MREG: variants seen among roughly 807,000 people sequenced by gnomAD.
MREG encodes the protein melanoregulin.
MREG carries 31 observed loss-of-function variants against 28.5 expected under a neutral mutation model. The ratio of observed to expected loss-of-function variants is 1.09; its 90% CI spans 0.82 to 1.47. The LOEUF (loss-of-function observed/expected upper bound fraction) is 1.47. Among genes scored for constraint, MREG ranks in the 40% most tolerant of loss-of-function variants. The pLI, the probability that MREG is intolerant of heterozygous loss-of-function variation, is 0.00. For missense variants in MREG, 256 were observed against 257.4 expected, an observed-to-expected ratio of 0.99 and a Z score of 0.04; for synonymous variants, 106 against 95.2, an observed-to-expected ratio of 1.11 and a Z score of -0.66.
Position 216,008,127 on chromosome 2 carries a change from C to T in MREG, c.95+5106G>A, listed in dbSNP as rs375019762. On this transcript the variant is annotated intron_variant, in intron 1 of 4. Transcript: ENST00000263268. ...CTTCATAGGGCTATGGTGGGGATTT[C>T]ATTAACAGATATAGAAGAAATGGTT... is the stretch of plus-strand genomic sequence containing the variant. Among the ~76,000 whole-genome samples the T allele has an allele frequency of 4.6e-5, 7 of 151,980 alleles. No homozygotes were observed. In the East Asian group the frequency reaches 5.8e-4, roughly 13 times the overall value.
At chr2:216,001,044 G>C (rs935362571) in intron 1 of MREG, among the ~76,000 whole-genome samples, 1 of 151,288 alleles carries the variant, frequency 6.6e-6, no homozygotes, top group African/African-American at 2.4e-5. Flanking sequence ...CCTGTCTCTT[G>C]CTCTCTCTCA....
At chr2:215,941,306 G>A (rs1343929871), downstream of MREG, among the ~76,000 whole-genome samples, 1 of 152,212 alleles carries the variant, frequency 6.6e-6, no homozygotes, top group Non-Finnish European at 1.5e-5. Flanking sequence ...TATTCTGAAA[G>A]TAGTAGTCGA....
At position 215,973,971 on chromosome 2, in the gene MREG, G is replaced by A. The variant is rs1207498875; in HGVS notation, c.255+22335C>T. Among the ~76,000 whole-genome samples the A allele has an allele frequency of 5.9e-5, 9 of 152,166 alleles. No homozygotes were observed. The South Asian group carries it at 1.7e-3, about 28-fold the overall frequency. The stretch of plus-strand genomic sequence containing the variant: ...TGTTTTTTATGGAAGAAGAAACTAG[G>A]TTAATTTGCACTCGGGTCCATTGAA... On this transcript the variant is annotated intron_variant, in intron 2 of 4. Transcript: ENST00000263268.
intron 1 of MREG, among the ~76,000 whole-genome samples, chr2:215,999,914 C>T (rs768095247): frequency 6.6e-6 from 1 of 152,132 alleles, no homozygotes; most frequent in Non-Finnish European, 1.5e-5. Context: ...TTCATGGCAT[C>T]ACAGAAGCAG....
At chr2:216,009,522 T>A (rs913642943) in intron 1 of MREG, among the ~76,000 whole-genome samples, 4 of 152,092 alleles carry the variant, frequency 2.6e-5, no homozygotes, top group African/African-American at 9.7e-5. Context: ...CTGTATTAGA[T>A]CCTACATGGC....
At chr2:215,981,193 A>G (rs769796147) in intron 2 of MREG, among the ~76,000 whole-genome samples, 2 of 152,198 alleles carry the variant, frequency 1.3e-5, no homozygotes, top group Non-Finnish European at 2.9e-5. Flanking sequence ...ACTCAAGCAG[A>G]TATTTGTACA....
upstream of MREG, among the ~76,000 whole-genome samples, chr2:216,015,281 T>C (rs183434246): frequency 7.8e-4 from 119 of 152,176 alleles, no homozygotes; most frequent in South Asian, 6.6e-3. Flanking sequence ...GACTGTGACA[T>C]GTAAGAAAAA....
At chr2:215,952,251 C>T (rs1692511375) in intron 2 of MREG, among the ~76,000 whole-genome samples, 1 of 152,144 alleles carries the variant, frequency 6.6e-6, no homozygotes, top group Non-Finnish European at 1.5e-5. Flanking sequence ...TATACATCCC[C>T]ATAGTGTATA....
At chr2:215,963,239 C>G (rs1692842209) in intron 2 of MREG, among the ~76,000 whole-genome samples, 1 of 151,978 alleles carries the variant, frequency 6.6e-6, no homozygotes, top group South Asian at 2.1e-4. Flanking sequence ...GCGGATGGAT[C>G]ACTTGATCTC....
At position 216,013,400 on chromosome 2, in the gene MREG, G is replaced by C. The variant is rs545830675; in HGVS notation, c.-73C>G. The C allele has an allele frequency of 2.7e-6, 3 of 1,119,278 alleles. No homozygotes were observed. The African/African-American group carries it at 5.0e-5, about 18-fold the overall frequency. 69.3% of individuals were successfully genotyped at this position (1,119,278 alleles called of 1,614,324 possible). ...CGCGGCGAGCGATCGAGGCTGGGGC[G>C]CGGCCACCGCGCCAGCGTCCAGGTG... On this transcript the variant is annotated 5_prime_UTR_variant, in exon 1 of 5. Transcript: ENST00000263268.
chr2:216,020,541 G>T (rs1048402735), intron 1 of MREG, among the ~76,000 whole-genome samples: 3 of 152,202 alleles, frequency 2.0e-5, no homozygotes, highest in Non-Finnish European at 4.4e-5. Context: ...TACCTAGCAG[G>T]TTCTAGTCTC....
upstream of MREG, among the ~76,000 whole-genome samples, chr2:216,015,117 A>ACG (rs1694414897): frequency 5.2e-5 from 3 of 57,214 alleles, no homozygotes; most frequent in African/African-American, 3.8e-4. Context: ...GTGTGTGTGC[A>ACG]CGCGTGTGTG....
At chr2:216,003,910 A>C (rs769777798) in intron 1 of MREG, among the ~76,000 whole-genome samples, 1 of 152,220 alleles carries the variant, frequency 6.6e-6, no homozygotes, top group Non-Finnish European at 1.5e-5. Context: ...ATTTCTTTCT[A>C]TTCTTAACAC....
chr2:215,957,050 A>G (rs1396042320), intron 2 of MREG, among the ~76,000 whole-genome samples: 1 of 152,134 alleles, frequency 6.6e-6, no homozygotes, highest in Non-Finnish European at 1.5e-5. Context: ...TGCGGCTGAC[A>G]CATTGAGCCA....
Position 215,944,808 on chromosome 2 carries a change from G to T in MREG, c.*55C>A. 1 of 1,504,610 alleles carries T rather than the reference G, an allele frequency of 6.6e-7. No homozygotes were observed. The highest frequency in any genetic ancestry group is 9.0e-7 in the Non-Finnish European group (1 of 1,109,334). The allele number at this position is 1,504,610 out of a possible 1,614,324, so 93.2% of individuals were successfully genotyped here. A position where few individuals can be genotyped will look rare whatever the true frequency, so the allele number is the denominator to read the frequency against. ...CTTCTACATGTAATTGTCCAACTTT[G>T]GTTGACTGCTGAGTCCTCATGGAAG... On this transcript the variant is annotated 3_prime_UTR_variant, in exon 5 of 5. Transcript: ENST00000263268.
upstream of MREG, among the ~76,000 whole-genome samples, chr2:216,018,545 G>A (rs1399025401): frequency 6.6e-6 from 1 of 152,174 alleles, no homozygotes; most frequent in Non-Finnish European, 1.5e-5. Context: ...CCCACATCCA[G>A]CAGAGAAAAA....
intron 2 of MREG, among the ~76,000 whole-genome samples, chr2:215,949,690 C>T (rs1489374750): frequency 2.0e-5 from 3 of 152,074 alleles, no homozygotes; most frequent in African/African-American, 7.2e-5. Context: ...GCTCTAAGTA[C>T]TAGATGGTTT....
intron 2 of MREG, among the ~76,000 whole-genome samples, chr2:215,987,858 A>C (rs1040615157): frequency 6.6e-6 from 1 of 152,180 alleles, no homozygotes; most frequent in African/African-American, 2.4e-5. Context: ...AGCTGAGATC[A>C]CACCATTGCA....
chr2:216,006,324 C>T (rs568344109), intron 1 of MREG, among the ~76,000 whole-genome samples: 35 of 152,316 alleles, frequency 2.3e-4, no homozygotes, highest in Admixed American at 1.2e-3. Context: ...CCCTCCTACG[C>T]GTTGGGCCTA....
Sources: allele counts gnomAD v4.1 joint callset (sites outside exome capture counted in the v4.1 genomes callset), GRCh38; gene constraint gnomAD v4.1.1; transcripts MANE v1.5; gene names NCBI Gene and HGNC (gene_info 2026-07-23, HGNC 2026-07-21).